COL10A1: variants seen among roughly 807,000 people sequenced by gnomAD.
COL10A1 encodes the protein collagen type X alpha 1 chain, also known as collagen alpha-1(X) chain.
COL10A1 carries 10 observed loss-of-function variants against 18.2 expected under a neutral mutation model. The observed-to-expected ratio is 0.55, with a 90% CI of 0.34 to 0.93. The LOEUF (loss-of-function observed/expected upper bound fraction) is 0.93. Ranked by LOEUF, COL10A1 falls within the 40% of genes least tolerant of loss-of-function variation. The pLI is 0.02. For synonymous variants in COL10A1, 330 were observed against 316.6 expected, an observed-to-expected ratio of 1.04 and a Z score of -0.45; for missense variants, 897 against 853.5, an observed-to-expected ratio of 1.05 and a Z score of -0.64.
the COL10A1 span, among the ~76,000 whole-genome samples, chr6:116,184,053 T>C: frequency 5.3e-5 from 8 of 152,224 alleles, no homozygotes; most frequent in Non-Finnish European, 1.2e-4. Flanking sequence ...AGATGGTTTT[T>C]ATTACCTTGA....
chr6:116,147,533 G>A (rs1779929671), intron 1 of COL10A1, among the ~76,000 whole-genome samples: 1 of 151,986 alleles, frequency 6.6e-6, no homozygotes, highest in Non-Finnish European at 1.5e-5. Context: ...TATATAAGAA[G>A]TTATAAAAAG....
At chr6:116,145,379 T>G in intron 1 of COL10A1, 1 of 317,204 alleles carries the variant, frequency 3.2e-6, no homozygotes, top group Non-Finnish European at 7.1e-6. Context: ...AAATTGATGG[T>G]AAGAAGAAAT....
the COL10A1 span, among the ~76,000 whole-genome samples, chr6:116,166,096 G>A: frequency 2.0e-5 from 3 of 152,102 alleles, no homozygotes; most frequent in Non-Finnish European, 4.4e-5. Context: ...CTTATTGCAG[G>A]GGTGAAGGGA....
chr6:116,124,000 T>C (rs1008028610), intron 2 of COL10A1, among the ~76,000 whole-genome samples: 1 of 152,200 alleles, frequency 6.6e-6, no homozygotes, highest in Non-Finnish European at 1.5e-5. Flanking sequence ...ATTGTGTTTG[T>C]TGCTTCAAGT....
chr6:116,120,521 G>C lies in COL10A1; in HGVS notation c.1595C>G (p.Pro532Arg), dbSNP rs144424564. 15 of 1,613,966 alleles carry C rather than the reference G, an allele frequency of 9.3e-6. No homozygotes were observed. Among genetic ancestry groups the C allele is most frequent in the African/African-American group, 1.3e-5 (1 of 74,890 alleles). The change falls in exon 3 of 3, where the codon CCC becomes CGC. Residue 532 changes from proline to arginine, a missense_variant. Physicochemically the swap from Pro to Arg is moderately radical, Grantham distance 103. Coordinates refer to ENST00000651968, the MANE Select transcript of COL10A1 (RefSeq NM_000493.4). ...AACAAGAGGGGTCCCAGAAAGACTG[G>C]GCCTTTGGCCTGCCTTTATAAAACC... Reference protein sequence around the residue: ...PEGFIKAGQRPSLSGTPLVSA... With the variant: ...PEGFIKAGQRRSLSGTPLVSA...
the COL10A1 span, among the ~76,000 whole-genome samples, chr6:116,171,601 A>G: frequency 6.6e-6 from 1 of 152,214 alleles, no homozygotes; most frequent in Non-Finnish European, 1.5e-5. Flanking sequence ...TTTAGGTAGG[A>G]AAAGCAGGAA....
chr6:116,186,658 T>G, the COL10A1 span, among the ~76,000 whole-genome samples: 2 of 152,100 alleles, frequency 1.3e-5, no homozygotes, highest in Non-Finnish European at 2.9e-5. Flanking sequence ...TTCTACTTGT[T>G]CGATTCTGTT....
At chr6:116,182,095 C>G in the COL10A1 span, among the ~76,000 whole-genome samples, 3 of 151,980 alleles carry the variant, frequency 2.0e-5, no homozygotes, top group Non-Finnish European at 4.4e-5. Context: ...AGCTTAGATG[C>G]CACTTATGAG....
the COL10A1 span, among the ~76,000 whole-genome samples, chr6:116,169,349 C>T: frequency 4.6e-5 from 7 of 152,186 alleles, no homozygotes; most frequent in African/African-American, 1.4e-4. Context: ...ATTTCCACAA[C>T]ATTTAAAAAA....
the COL10A1 span, among the ~76,000 whole-genome samples, chr6:116,203,058 T>G: frequency 1.3e-5 from 2 of 152,008 alleles, no homozygotes; most frequent in African/African-American, 4.8e-5. Flanking sequence ...GATTATGATA[T>G]TAAACATTTT....
chr6:116,166,449 A>G, the COL10A1 span, among the ~76,000 whole-genome samples: 3 of 152,202 alleles, frequency 2.0e-5, no homozygotes, highest in East Asian at 5.8e-4. Flanking sequence ...AGAAATCACA[A>G]TGGAAGAAGG....
At chr6:116,124,464 A>G (rs1476780081) in intron 2 of COL10A1, among the ~76,000 whole-genome samples, 1 of 152,192 alleles carries the variant, frequency 6.6e-6, no homozygotes, top group Non-Finnish European at 1.5e-5. Context: ...TAATCTTCAA[A>G]GAGTAACCAA....
intron 1 of COL10A1, among the ~76,000 whole-genome samples, chr6:116,154,054 G>A (rs1301228892): frequency 6.9e-6 from 1 of 143,900 alleles, no homozygotes; most frequent in Non-Finnish European, 1.5e-5. Flanking sequence ...TTTTGAGACA[G>A]AGTCTGGTGA....
chr6:116,125,677 A>G, intron 1 of COL10A1, 170 bp from the exon 2 acceptor site: 1 of 546,002 alleles, frequency 1.8e-6, no homozygotes, highest in Non-Finnish European at 3.2e-6. Context: ...TTATGTGAAT[A>G]TATGTCTTAG....
intron 1 of COL10A1, among the ~76,000 whole-genome samples, chr6:116,138,551 A>T (rs1465481153): frequency 1.3e-5 from 2 of 151,976 alleles, no homozygotes; most frequent in East Asian, 3.8e-4. Context: ...AGCTAATTGA[A>T]AAGCAAATAG....
chr6:116,135,380 A>G (rs1355373542), intron 1 of COL10A1, among the ~76,000 whole-genome samples: 1 of 151,814 alleles, frequency 6.6e-6, no homozygotes, highest in Non-Finnish European at 1.5e-5. Context: ...AGAAAATGAT[A>G]TTTCATTTTT....
At chr6:116,137,194 C>T (rs962472392) in intron 1 of COL10A1, 3 of 176,882 alleles carry the variant, frequency 1.7e-5, no homozygotes, top group East Asian at 3.0e-4. Context: ...ATGTCTGCCA[C>T]CACCACTTCC....
chr6:116,210,563 G>A, the COL10A1 span, among the ~76,000 whole-genome samples: 3 of 151,806 alleles, frequency 2.0e-5, no homozygotes, highest in African/African-American at 7.3e-5. Context: ...GTTGCAAAAC[G>A]GGAATCATAT....
the COL10A1 span, among the ~76,000 whole-genome samples, chr6:116,190,517 C>T: frequency 6.6e-6 from 1 of 151,844 alleles, no homozygotes; most frequent in African/African-American, 2.4e-5. Flanking sequence ...AACAAGCATC[C>T]CCCCACCTCC....
Sources: allele counts gnomAD v4.1 joint callset (sites outside exome capture counted in the v4.1 genomes callset), GRCh38; gene constraint gnomAD v4.1.1; transcripts MANE v1.5; gene names NCBI Gene and HGNC (gene_info 2026-07-23, HGNC 2026-07-21).